Variants in UACA observed in about 807,000 individuals in gnomAD.
UACA encodes uveal autoantigen with coiled-coil domains and ankyrin repeats, also known as nuclear membrane binding protein.
UACA carries 112 observed loss-of-function variants against 160.5 expected under a neutral mutation model. That is an observed-to-expected ratio of 0.70 (90% CI 0.60 to 0.82). UACA has a LOEUF of 0.82. Ranked by LOEUF, UACA falls within the 40% of genes least tolerant of loss-of-function variation. The probability of loss-of-function intolerance (pLI) is 0.00; values close to 1 mark genes in which losing one functional copy is unlikely to be tolerated. For missense variants in UACA, 1,574 were observed against 1,614.6 expected (o/e 0.97, Z 0.43); for synonymous variants, 557 against 568.4 (o/e 0.98, Z 0.29).
chr15:70,707,249 C>T (rs963269899), intron 1 of UACA, among the ~76,000 whole-genome samples: 2 of 152,070 alleles, frequency 1.3e-5, no homozygotes, highest in African/African-American at 4.8e-5. Context: ...CAAAGTTGGA[C>T]CTTTATCTTA....
the UACA span, among the ~76,000 whole-genome samples, chr15:70,773,245 C>T: frequency 5.3e-5 from 8 of 152,130 alleles, no homozygotes; most frequent in South Asian, 1.2e-3. Flanking sequence ...GGAGCGACCA[C>T]TGGGTTTGGC....
intron 1 of UACA, among the ~76,000 whole-genome samples, chr15:70,721,924 A>AT (rs1299877649): frequency 6.6e-6 from 1 of 152,204 alleles, no homozygotes; most frequent in Admixed American, 6.5e-5. Flanking sequence ...ATTTTATACC[A>AT]TTTGCCCATT....
intron 1 of UACA, among the ~76,000 whole-genome samples, chr15:70,744,917 A>G (rs1007937457): frequency 6.6e-6 from 1 of 152,200 alleles, no homozygotes; most frequent in Non-Finnish European, 1.5e-5. Flanking sequence ...AGCCATACAG[A>G]GAATACTAAC....
At chr15:70,683,887 GCTGA>G (rs1897606201) in intron 8 of UACA, among the ~76,000 whole-genome samples, 1 of 150,774 alleles carries the variant, frequency 6.6e-6, no homozygotes, top group African/African-American at 2.4e-5. Context: ...GTAAATATCA[GCTGA>G]CTATTTTACA....
Position 70,668,879 on chromosome 15 carries a change from C to A in UACA, c.1805G>T (p.Arg602Leu). The change falls in exon 16 of 19, where the codon CGA (arginine) becomes CTA (leucine). Residue 602 changes from arginine to leucine, a missense_variant. Physicochemically the swap from Arg to Leu is moderately radical, Grantham distance 102 (BLOSUM62 -2). Coordinates refer to ENST00000322954, the MANE Select transcript of UACA (RefSeq NM_018003.4). ...QKELSMCEME[R>L]EKKGRKVTEM... is the part of the protein sequence containing the mutation. The stretch of plus-strand genomic sequence containing the variant: ...TGTGACCTTTCTTCCTTTCTTCTCT[C>A]GCTCCATTTCACACATACTAAGTTC... 6.2e-7 allele frequency: 1 copy of A among 1,613,648 alleles called. No individual in the cohort carries two copies.
At chr15:70,722,484 A>AT (rs1006870019) in intron 1 of UACA, among the ~76,000 whole-genome samples, 3 of 152,044 alleles carry the variant, frequency 2.0e-5, no homozygotes, top group Non-Finnish European at 2.9e-5. Context: ...CACTGAGCTA[A>AT]TTTTTTTATT....
chr15:70,705,479 T>A (rs1898498638), intron 1 of UACA, among the ~76,000 whole-genome samples: 1 of 152,012 alleles, frequency 6.6e-6, no homozygotes, highest in Non-Finnish European at 1.5e-5. Context: ...GAGGTTGCAG[T>A]GAGCCAAGAT....
chr15:70,755,382 G>T (rs978767471), intron 1 of UACA, among the ~76,000 whole-genome samples: 1 of 150,486 alleles, frequency 6.6e-6, no homozygotes, highest in African/African-American at 2.4e-5. Flanking sequence ...AAAAAAAAAA[G>T]AATGAGGCCG....
intron 1 of UACA, among the ~76,000 whole-genome samples, chr15:70,747,038 T>C (rs762465463): frequency 1.3e-5 from 2 of 151,908 alleles, no homozygotes; most frequent in African/African-American, 2.4e-5. Context: ...AGATGATGGG[T>C]TGATGTGTGC....
rs144431969 is a variant in UACA, at chr15:70,751,708, T to A, written c.78+11622A>T. ...GTTTGACCCTGTATCATCAATGTGC[T>A]AACCTGCACCTTCATGCTGCTCCAG... is the stretch of plus-strand genomic sequence containing the variant. On this transcript the variant is annotated intron_variant, in intron 1 of 18. Transcript: ENST00000322954. 2.1e-3 allele frequency among the ~76,000 whole-genome samples: 316 copies of A among 152,316 alleles called. 1 individual carries two copies. Among genetic ancestry groups the A allele is most frequent in the Admixed American group, 4.7e-3 (72 of 15,302 alleles).
In UACA at chr15:70,763,523, C is replaced by T; in HGVS notation, c.-116G>A. On this transcript the variant is annotated 5_prime_UTR_variant, in exon 1 of 19. Coordinates refer to ENST00000322954, the MANE Select transcript of UACA (RefSeq NM_018003.4). ...GCGCGGGCTGTACCAGCCCCACCTG[C>T]CTGCCACCTGCGGGCCCCGGGCAGC... The T allele has an allele frequency of 8.0e-7, 1 of 1,244,894 alleles. No homozygotes were observed. Among genetic ancestry groups the T allele is most frequent in the Non-Finnish European group, 1.0e-6 (1 of 990,062 alleles). The allele number at this position is 1,244,894 out of a possible 1,614,324, so 77.1% of individuals were successfully genotyped here. A position where few individuals can be genotyped will look rare whatever the true frequency, so the allele number is the denominator to read the frequency against.
At chr15:70,687,061 G>A (rs1595888432) in intron 7 of UACA, among the ~76,000 whole-genome samples, 1 of 152,292 alleles carries the variant, frequency 6.6e-6, no homozygotes, top group East Asian at 1.9e-4. Flanking sequence ...CTGTACCCTG[G>A]CAGAGTAAGG....
intron 16 of UACA, among the ~76,000 whole-genome samples, chr15:70,665,910 T>C (rs1230857295): frequency 6.6e-6 from 1 of 152,206 alleles, no homozygotes; most frequent in Non-Finnish European, 1.5e-5. Flanking sequence ...AGCCAATCTT[T>C]ATATGTCATA....
chr15:70,675,405 T>C (rs565173102), intron 13 of UACA, among the ~76,000 whole-genome samples: 4 of 152,346 alleles, frequency 2.6e-5, no homozygotes, highest in South Asian at 4.1e-4. Context: ...TATGTACACA[T>C]ATTAAGTGTG....
rs911588767 is a variant in UACA, at chr15:70,763,551, A to G, written c.-144T>C. On this transcript the variant is annotated 5_prime_UTR_variant, in exon 1 of 19. Coordinates refer to ENST00000322954, the MANE Select transcript of UACA (RefSeq NM_018003.4). The stretch of plus-strand genomic sequence containing the variant: ...GCCACCTGCGGGCCCCGGGCAGCAG[A>G]CGTCGACAGGCCTGAGGCGGGGCTC... 8 of 1,243,028 alleles carry G rather than the reference A, an allele frequency of 6.4e-6. No homozygotes were observed. The highest frequency in any genetic ancestry group is 3.0e-4 in the Middle Eastern group (1 of 3,322). The allele number at this position is 1,243,028 out of a possible 1,614,324, so 77.0% of individuals were successfully genotyped here. A position where few individuals can be genotyped will look rare whatever the true frequency, so the allele number is the denominator to read the frequency against.
At chr15:70,766,825 G>C (rs924499221), upstream of UACA, among the ~76,000 whole-genome samples, 7 of 152,210 alleles carry the variant, frequency 4.6e-5, no homozygotes, top group Non-Finnish European at 8.8e-5. Flanking sequence ...ATGGGCAGAG[G>C]ATACCCAGGG....
At chr15:70,690,568 T>C (rs925292816) in intron 4 of UACA, 57 bp from the exon 5 acceptor site, 2 of 1,370,532 alleles carry the variant, frequency 1.5e-6, no homozygotes, top group Non-Finnish European at 1.0e-6. Context: ...AAATTAGATA[T>C]CCAGACTCAG....
the UACA span, among the ~76,000 whole-genome samples, chr15:70,777,721 G>A: frequency 6.6e-6 from 1 of 152,146 alleles, no homozygotes; most frequent in East Asian, 1.9e-4. Flanking sequence ...GTGTTGAGGG[G>A]GAAGTGAGAA....
At chr15:70,767,672 C>A (rs536805836), upstream of UACA, among the ~76,000 whole-genome samples, 1 of 152,144 alleles carries the variant, frequency 6.6e-6, no homozygotes, top group African/African-American at 2.4e-5. Context: ...TCCTTCCAGA[C>A]AAGCTTTAGT....
Sources: allele counts gnomAD v4.1 joint callset (sites outside exome capture counted in the v4.1 genomes callset), GRCh38; gene constraint gnomAD v4.1.1; transcripts MANE v1.5; gene names NCBI Gene and HGNC (gene_info 2026-07-23, HGNC 2026-07-21).